The following TTC13 variants were observed in gnomAD, a reference collection of about 807,000 sequenced individuals.
The protein encoded by TTC13 is tetratricopeptide repeat domain 13.
TTC13 carries 62 observed loss-of-function variants against 120.0 expected under a neutral mutation model. That is an observed-to-expected ratio of 0.52 (90% confidence interval 0.42 to 0.64). The LOEUF (loss-of-function observed/expected upper bound fraction) is 0.64, where lower values mean the gene tolerates loss of function less well. TTC13 is among the 30% of genes least tolerant of loss of function. The pLI is 0.00. For synonymous variants in TTC13, 384 were observed against 393.5 expected, an observed-to-expected ratio of 0.98 and a Z score of 0.28; for missense variants, 824 against 1,050.2, an observed-to-expected ratio of 0.78 and a Z score of 2.98.
chr1:230,920,340 T>C, intron 17 of TTC13, 170 bp downstream of exon 17: 1 of 454,544 alleles, frequency 2.2e-6, no homozygotes, highest in Non-Finnish European at 3.9e-6. Context: ...AAGTTGTTTT[T>C]TCTGTTTGAG....
chr1:230,958,146 C>T (rs1676278554), intron 3 of TTC13, 78 bp downstream of exon 3: 2 of 1,466,848 alleles, frequency 1.4e-6, no homozygotes, highest in Non-Finnish European at 1.9e-6. Flanking sequence ...TACTCCTTAC[C>T]ATCCTGTCTT....
Position 230,925,605 on chromosome 1 carries a change from T to C in TTC13, c.1500A>G (p.Val500=), listed in dbSNP as rs1672982668. 1.2e-6 allele frequency: 2 copies of C among 1,613,976 alleles called. No homozygotes were observed. The highest frequency in any genetic ancestry group is 1.7e-5 in the Admixed American group (1 of 60,004). Residue 500 remains valine, a synonymous_variant, in exon 13 of 23, where the codon GTA becomes GTG. Transcript: ENST00000366661. ...GATCAGCCACACAAATCAGCTCCTG[T>C]ACTTCAGGCTTATAACTCTCAAAAT... ...HQNFESYKPE[V]QELICVADRL...
At chr1:230,972,250 T>C (rs1677839810) in intron 1 of TTC13, among the ~76,000 whole-genome samples, 2 of 152,256 alleles carry the variant, frequency 1.3e-5, no homozygotes, top group African/African-American at 2.4e-5. Flanking sequence ...AATGAGACTA[T>C]CGGCAATCTT....
At chr1:230,958,812 T>C (rs1676351345) in intron 2 of TTC13, among the ~76,000 whole-genome samples, 1 of 152,198 alleles carries the variant, frequency 6.6e-6, no homozygotes, top group South Asian at 2.1e-4. Flanking sequence ...GGCAACACAG[T>C]GAGACTTCAT....
intron 1 of TTC13, among the ~76,000 whole-genome samples, chr1:230,966,442 T>C (rs1262644632): frequency 1.6e-5 from 2 of 127,410 alleles, no homozygotes; most frequent in Non-Finnish European, 3.3e-5. Flanking sequence ...AATATTTTAT[T>C]AAACTATGTG....
At chr1:230,967,846 C>T (rs1677281994) in intron 1 of TTC13, among the ~76,000 whole-genome samples, 1 of 152,090 alleles carries the variant, frequency 6.6e-6, no homozygotes, top group Non-Finnish European at 1.5e-5. Context: ...GTATAAATTT[C>T]CTTGGATAGG....
intron 7 of TTC13, 131 bp from the exon 8 acceptor site, chr1:230,939,627 T>C: frequency 1.8e-6 from 1 of 550,848 alleles, no homozygotes; most frequent in Admixed American, 2.9e-5. Context: ...AAGGAAACAT[T>C]TCATGACACT....
chr1:230,934,015 T>G (rs1458405796), intron 8 of TTC13, among the ~76,000 whole-genome samples, 154 bp from the exon 9 acceptor site: 1 of 152,208 alleles, frequency 6.6e-6, no homozygotes, highest in Non-Finnish European at 1.5e-5. Flanking sequence ...TGCAATAAAC[T>G]ATAAGTCAGA....
intron 17 of TTC13, among the ~76,000 whole-genome samples, chr1:230,919,973 C>T (rs1672422870): frequency 6.6e-6 from 1 of 152,202 alleles, no homozygotes; most frequent in African/African-American, 2.4e-5. Context: ...CCCCTGAGCA[C>T]TCCCCAGCCT....
intron 1 of TTC13, among the ~76,000 whole-genome samples, chr1:230,963,584 A>G (rs1269801380): frequency 1.3e-5 from 2 of 152,024 alleles, no homozygotes; most frequent in Non-Finnish European, 2.9e-5. Flanking sequence ...GCAGTGAACC[A>G]TGATCATACC....
At chr1:230,932,564 A>C (rs1236857127) in intron 9 of TTC13, among the ~76,000 whole-genome samples, 1 of 152,198 alleles carries the variant, frequency 6.6e-6, no homozygotes, top group Non-Finnish European at 1.5e-5. Context: ...TTCTCTATAA[A>C]TAGTGAACAT....
chr1:230,928,945 G>A lies in TTC13; in HGVS notation c.1449C>T (p.Pro483=). Residue 483 remains proline, a synonymous_variant, in exon 12 of 23, where the codon CCC becomes CCT. Coordinates refer to ENST00000366661, the MANE Select transcript of TTC13 (RefSeq NM_024525.5). ...EDYEEQPGLQ[P]HIKDVLHQNF... ...TCATTTAAAGCACTTACTTTATGTGGGGTTGCAACCCTGGCTGCTCTTCGT... is the reference window on the plus strand; with the variant it reads ...TCATTTAAAGCACTTACTTTATGTGAGGTTGCAACCCTGGCTGCTCTTCGT... 1 of 1,613,698 alleles carries A rather than the reference G, an allele frequency of 6.2e-7. No individual in the cohort carries two copies. Among genetic ancestry groups the A allele is most frequent in the Admixed American group, 1.7e-5 (1 of 59,952 alleles).
At chr1:230,976,170 G>A (rs1678284266) in intron 1 of TTC13, among the ~76,000 whole-genome samples, 1 of 152,160 alleles carries the variant, frequency 6.6e-6, no homozygotes, top group African/African-American at 2.4e-5. Context: ...AGCAAGAGAC[G>A]ATGGCATGAT....
At chr1:230,948,329 T>TA (rs5781611) in intron 4 of TTC13, among the ~76,000 whole-genome samples, 95,945 of 141,162 alleles carry the variant, frequency 0.68, 32,057 homozygotes, top group Admixed American at 0.72. Flanking sequence ...ATATTTCACT[T>TA]AAAAAAAAAA....
intron 15 of TTC13, among the ~76,000 whole-genome samples, chr1:230,922,669 C>G (rs1672686578): frequency 6.6e-6 from 1 of 152,160 alleles, no homozygotes; most frequent in African/African-American, 2.4e-5. Context: ...TTAATCACCC[C>G]ACCTCTCTCT....
At chr1:230,939,586 C>A in intron 7 of TTC13, 90 bp from the exon 8 acceptor site, 4 of 770,818 alleles carry the variant, frequency 5.2e-6, no homozygotes, top group South Asian at 2.0e-5. Context: ...GAAAAAAAAT[C>A]TCAATTCATC....
chr1:230,970,177 T>G (rs563339309), intron 1 of TTC13, among the ~76,000 whole-genome samples: 14 of 152,304 alleles, frequency 9.2e-5, no homozygotes, highest in Non-Finnish European at 1.6e-4. Context: ...AATGAACAGT[T>G]TAGGTATAGC....
At chr1:230,968,325 C>CT (rs1021998559) in intron 1 of TTC13, among the ~76,000 whole-genome samples, 31 of 72,732 alleles carry the variant, frequency 4.3e-4, no homozygotes, top group African/African-American at 1.8e-3. Context: ...CTTAATCATT[C>CT]TTTTTTTAAA....
At chr1:230,911,284 C>G in intron 20 of TTC13, 186 bp downstream of exon 20, 1 of 484,858 alleles carries the variant, frequency 2.1e-6, no homozygotes, top group Non-Finnish European at 3.7e-6. Context: ...TTAGAACTGT[C>G]TTCTATAATT....
Sources: allele counts gnomAD v4.1 joint callset (sites outside exome capture counted in the v4.1 genomes callset), GRCh38; gene constraint gnomAD v4.1.1; transcripts MANE v1.5; gene names NCBI Gene and HGNC (gene_info 2026-07-23, HGNC 2026-07-21).